The following GOLGA4 variants were observed in gnomAD, a reference collection of about 807,000 sequenced individuals.
GOLGA4 encodes the protein golgin subfamily A member 4.
A neutral mutation model predicts 265.9 loss-of-function variants in GOLGA4; 169 were observed. The observed-to-expected ratio is 0.64, with a 90% CI of 0.56 to 0.72. GOLGA4 has a LOEUF of 0.72. Among genes scored for constraint, GOLGA4 ranks in the 30% least tolerant of loss-of-function variants. The pLI, the probability that GOLGA4 is intolerant of heterozygous loss-of-function variation, is 0.00. For missense variants in GOLGA4, 2,482 were observed against 2,483.4 expected (o/e 1.00, Z 0.01); for synonymous variants, 923 against 855.8 (o/e 1.08, Z -1.37).
intron 2 of GOLGA4, among the ~76,000 whole-genome samples, chr3:37,261,880 GA>G (rs1342648582): frequency 1.3e-5 from 2 of 152,146 alleles, no homozygotes; most frequent in Non-Finnish European, 2.9e-5. Flanking sequence ...CATAAGGTAA[GA>G]AACCTGAACC....
Position 37,326,055 on chromosome 3 carries a change from C to G in GOLGA4, c.4169C>G (p.Ser1390Cys). 1 of 1,613,120 alleles carries G rather than the reference C, an allele frequency of 6.2e-7. No homozygotes were observed. Residue 1390 changes from serine (S) to cysteine (C), a missense_variant, in exon 14 of 24, where the codon TCC (serine) becomes TGC (cysteine). Ser to Cys is a moderately radical substitution (Grantham distance 112). Transcript: ENST00000361924. ...NVQLQNSISLSEKEAAISSLR... is the reference protein window; with the variant it reads ...NVQLQNSISLCEKEAAISSLR... ...CAGCTTCAAAATAGCATCAGCCTAT[C>G]CGAAAAAGAAGCAGCCATTTCATCA...
chr3:37,361,328 T>C (rs1488049878), intron 23 of GOLGA4, 23 bp downstream of exon 23: 1 of 1,568,918 alleles, frequency 6.4e-7, no homozygotes, highest in Admixed American at 1.7e-5. Context: ...CAATGTCTTG[T>C]GTCTTTTGTG....
chr3:37,334,063 C>G (rs2097000860), intron 16 of GOLGA4, among the ~76,000 whole-genome samples: 1 of 152,138 alleles, frequency 6.6e-6, no homozygotes, highest in Admixed American at 6.5e-5. Context: ...ATCAATATTC[C>G]AATTCCAAAT....
intron 9 of GOLGA4, among the ~76,000 whole-genome samples, chr3:37,300,013 T>TG (rs2096888704): frequency 6.6e-6 from 1 of 152,100 alleles, no homozygotes; most frequent in South Asian, 2.1e-4. Flanking sequence ...GTCACACTAG[T>TG]GTACTGCAGC....
chr3:37,301,430 G>A (rs903279164), intron 9 of GOLGA4, among the ~76,000 whole-genome samples: 2 of 152,172 alleles, frequency 1.3e-5, no homozygotes, highest in Non-Finnish European at 2.9e-5. Flanking sequence ...ATCCAGTGTG[G>A]CAGCAGGCAC....
intron 2 of GOLGA4, 107 bp from the exon 3 acceptor site, chr3:37,281,844 AGGAATAT>A: frequency 1.3e-6 from 1 of 770,404 alleles, no homozygotes. Context: ...GTAAAATGTC[AGGAATAT>A]AAATTCAACT....
chr3:37,326,395 AGAC>A lies in GOLGA4; in HGVS notation c.4513_4515del (p.Asp1505del), dbSNP rs1486256221. ...TTGATTGTTTAAAGGGTGAAATGGA[AGAC>A]GACAAGAGCAAGATGGAGAAAAAGG... On this transcript the variant is annotated inframe_deletion, in exon 14 of 24. Transcript: ENST00000361924. The A allele has an allele frequency of 1.2e-6, 2 of 1,613,428 alleles. No individual in the cohort carries two copies.
At position 37,337,545 on chromosome 3, in the gene GOLGA4, G is replaced by A. The variant is rs543115466; in HGVS notation, c.6328-121G>A. 1.2e-5 allele frequency: 8 copies of A among 679,252 alleles called. No individual in the cohort carries two copies. In the South Asian group the frequency reaches 1.2e-4, roughly 10 times the overall value. 42.1% of individuals were successfully genotyped at this position (679,252 alleles called of 1,614,324 possible). ...TGTCTGAAAGTCATGCATTTTAGGG[G>A]TATTCAGTGTTATAAGTTAAAACTT... On this transcript the variant is annotated intron_variant, in intron 18 of 23. Transcript: ENST00000361924.
In GOLGA4 at chr3:37,325,410, C is replaced by G; in HGVS notation, c.3524C>G (p.Thr1175Ser). The change falls in exon 14 of 24, where the codon ACT (threonine) becomes AGT (serine). Residue 1175 changes from threonine to serine, a missense_variant. Thr to Ser is a moderately conservative substitution (Grantham distance 58). Around this residue, in one of 3 missense-constraint regions of GOLGA4, gnomAD observed 1,536 missense variants for 1,483.7 expected, o/e 1.04. Coordinates refer to ENST00000361924, the MANE Select transcript of GOLGA4 (RefSeq NM_002078.5). Reference sequence around the variant, plus strand: ...GATAAGCGGAAGGTTTCTGAGTTGACTAGCAAGTTGAAAACCACAGATGAA... The same window carrying G: ...GATAAGCGGAAGGTTTCTGAGTTGAGTAGCAAGTTGAAAACCACAGATGAA... ...EEDKRKVSEL[T>S]SKLKTTDEEF... 1 of 1,611,030 alleles carries G rather than the reference C, an allele frequency of 6.2e-7. No individual in the cohort carries two copies. Among genetic ancestry groups the G allele is most frequent in the South Asian group, 1.1e-5 (1 of 90,224 alleles).
intron 20 of GOLGA4, among the ~76,000 whole-genome samples, chr3:37,342,817 T>C (rs898328374): frequency 1.3e-5 from 2 of 152,242 alleles, no homozygotes; most frequent in Non-Finnish European, 2.9e-5. Context: ...AAATGTTTGC[T>C]ATATTTTTTG....
chr3:37,358,135 G>T (rs2097095345), intron 22 of GOLGA4, among the ~76,000 whole-genome samples: 1 of 152,160 alleles, frequency 6.6e-6, no homozygotes, highest in South Asian at 2.1e-4. Flanking sequence ...ATTGTACTTT[G>T]TGTTGACAGC....
intron 9 of GOLGA4, among the ~76,000 whole-genome samples, chr3:37,299,972 G>A (rs1337549544): frequency 6.6e-6 from 1 of 151,972 alleles, no homozygotes; most frequent in Non-Finnish European, 1.5e-5. Flanking sequence ...GATTGCTTGA[G>A]CCCAGGAGTT....
intron 23 of GOLGA4, among the ~76,000 whole-genome samples, chr3:37,365,364 G>A (rs1196119829): frequency 6.6e-6 from 1 of 152,150 alleles, no homozygotes; most frequent in Admixed American, 6.5e-5. Context: ...CGCCTCCTGA[G>A]TTCAAGTGAT....
At chr3:37,365,736 A>G (rs987080460) in intron 23 of GOLGA4, among the ~76,000 whole-genome samples, 7 of 151,986 alleles carry the variant, frequency 4.6e-5, no homozygotes, top group Admixed American at 3.3e-4. Flanking sequence ...GTTGGTTTGC[A>G]TCATTGCAAG....
Position 37,327,452 on chromosome 3 carries a change from A to G in GOLGA4, c.5566A>G (p.Ile1856Val). The change falls in exon 14 of 24, where the codon ATA becomes GTA. Residue 1856 changes from isoleucine (I) to valine (V), a missense_variant. Transcript: ENST00000361924. ...ELTCQILEQK[I>V]KELDSCLVRQ... ...AACCTGTCAGATTTTGGAGCAAAAG[A>G]TAAAAGAGCTGGATTCCTGCTTAGT... is the stretch of plus-strand genomic sequence containing the variant. 1 of 1,613,014 alleles carries G rather than the reference A, an allele frequency of 6.2e-7. No homozygotes were observed. Among genetic ancestry groups the G allele is most frequent in the Non-Finnish European group, 8.5e-7 (1 of 1,179,670 alleles).
At position 37,327,000 on chromosome 3, in the gene GOLGA4, C is replaced by G; in HGVS notation, c.5114C>G (p.Thr1705Arg). Reference sequence around the variant, plus strand: ...TCAGTGGAAAGTTCACAGTCAGAAACATTAATTGTACCCAGATCAGCAAAA... The same window carrying G: ...TCAGTGGAAAGTTCACAGTCAGAAAGATTAATTGTACCCAGATCAGCAAAA... ...LKSVESSQSE[T>R]LIVPRSAKNV... The change falls in exon 14 of 24, where the codon ACA becomes AGA. Residue 1705 changes from threonine to arginine, a missense_variant. By Grantham distance (71) the Thr-to-Arg change is moderately conservative. This residue lies in a region of GOLGA4 where 942 missense variants were observed against 983.1 expected (regional missense o/e 0.96). Transcript: ENST00000361924. The G allele has an allele frequency of 6.2e-7, 1 of 1,613,776 alleles. No individual in the cohort carries two copies.
Position 37,362,793 on chromosome 3 carries a change from T to TTTTTTTTTTTTTTTTTTTTTTTTTTC in GOLGA4, c.*33+1495_*33+1496insTTTTTTTTTTTTTTTTTTCTTTTTTT, listed in dbSNP as rs1696425816. ...TCAGCCTCTAAGCTTTTTTTTTTTT[T>TTTTTTTTTTTTTTTTTTTTTTTTTTC]TTTTTTTGAGACGGAGTCTCGCTCT... On this transcript the variant is annotated intron_variant, in intron 23 of 23. Coordinates refer to ENST00000361924, the MANE Select transcript of GOLGA4 (RefSeq NM_002078.5). Among the ~76,000 whole-genome samples the TTTTTTTTTTTTTTTTTTTTTTTTTTC allele has an allele frequency of 1.5e-5, 2 of 136,048 alleles. 1 individual carries two copies. Among genetic ancestry groups the TTTTTTTTTTTTTTTTTTTTTTTTTTC allele is most frequent in the Non-Finnish European group, 3.2e-5 (2 of 61,702 alleles). 89.3% of individuals were successfully genotyped at this position (136,048 alleles called of 152,430 possible).
chr3:37,251,304 C>G, intron 1 of GOLGA4, 91 bp from the exon 2 acceptor site: 4 of 709,544 alleles, frequency 5.6e-6, no homozygotes, highest in East Asian at 2.6e-5. Flanking sequence ...TCACTGAATT[C>G]TTTGGGCATG....
chr3:37,355,861 T>C (rs9867289), intron 22 of GOLGA4, among the ~76,000 whole-genome samples: 10,337 of 152,092 alleles, frequency 0.068, 598 homozygotes, highest in African/African-American at 0.16. Flanking sequence ...TTTCTGCTTC[T>C]TTTCCTTGTC....
Sources: allele counts gnomAD v4.1 joint callset (sites outside exome capture counted in the v4.1 genomes callset), GRCh38; gene constraint gnomAD v4.1.1; regional missense constraint gnomAD v4.1.1; transcripts MANE v1.5; gene names NCBI Gene and HGNC (gene_info 2026-07-23, HGNC 2026-07-21).